The following STT3B variants were observed in gnomAD, a reference collection of about 807,000 sequenced individuals.
STT3B encodes the protein STT3 oligosaccharyltransferase complex catalytic subunit B, also known as dolichyl-diphosphooligosaccharide--protein glycosyltransferase subunit STT3B.
STT3B carries 29 observed loss-of-function variants against 96.8 expected under a neutral mutation model. That is an observed-to-expected ratio of 0.30 (90% CI 0.22 to 0.41). The LOEUF (loss-of-function observed/expected upper bound fraction) is 0.41, where lower values mean the gene tolerates loss of function less well. Among genes scored for constraint, STT3B ranks in the 10% least tolerant of loss-of-function variants. STT3B has a pLI of 1.00. For missense variants in STT3B, 640 were observed against 1,022.3 expected, an observed-to-expected ratio of 0.63 and a Z score of 5.10; for synonymous variants, 367 against 360.0, an observed-to-expected ratio of 1.02 and a Z score of -0.22.
chr3:31,595,698 TCA>T (rs1312709750), intron 3 of STT3B, among the ~76,000 whole-genome samples: 1 of 152,202 alleles, frequency 6.6e-6, no homozygotes, highest in East Asian at 1.9e-4. Flanking sequence ...TACTTGCTTT[TCA>T]GTTTACTTCC....
chr3:31,584,734 G>A (rs553953968), intron 3 of STT3B, among the ~76,000 whole-genome samples: 50 of 152,096 alleles, frequency 3.3e-4, no homozygotes, highest in African/African-American at 1.1e-3. Flanking sequence ...GGTTTACGGT[G>A]GAAATAGATT....
At chr3:31,545,849 G>A (rs1481598692) in intron 1 of STT3B, among the ~76,000 whole-genome samples, 2 of 144,068 alleles carry the variant, frequency 1.4e-5, no homozygotes, top group Non-Finnish European at 3.0e-5. Context: ...ATCAGCTATC[G>A]TTAGTGTATT....
intron 1 of STT3B, among the ~76,000 whole-genome samples, chr3:31,543,148 G>A (rs997636745): frequency 2.0e-5 from 3 of 151,246 alleles, no homozygotes; most frequent in East Asian, 1.9e-4. Flanking sequence ...TGTGTCTTAC[G>A]TGAGAGGTCT....
chr3:31,562,412 T>C (rs954857864), intron 1 of STT3B, among the ~76,000 whole-genome samples: 1 of 152,078 alleles, frequency 6.6e-6, no homozygotes, highest in South Asian at 2.1e-4. Context: ...GTGGTGGACT[T>C]AGTGAGGTGA....
At chr3:31,562,087 G>A (rs1359685124) in intron 1 of STT3B, among the ~76,000 whole-genome samples, 2 of 152,118 alleles carry the variant, frequency 1.3e-5, no homozygotes, top group Non-Finnish European at 1.5e-5. Context: ...CAGTGACAGC[G>A]TTCGTGCATC....
chr3:31,533,069 T>A lies in STT3B; in HGVS notation c.71T>A (p.Met24Lys), dbSNP rs758722499. 3 of 1,564,508 alleles carry A rather than the reference T, an allele frequency of 1.9e-6. No homozygotes were observed. The African/African-American group carries it at 4.3e-5, about 22-fold the overall frequency. Reference sequence around the variant, plus strand: ...AACTCGTCCCCGTGGAGTGGCCTCATGGCCCTGGGAAACAGCCGGCACGGC... The same window carrying A: ...AACTCGTCCCCGTGGAGTGGCCTCAAGGCCCTGGGAAACAGCCGGCACGGC... Reference protein sequence around the residue: ...SLNSSPWSGLMALGNSRHGHH... With the variant: ...SLNSSPWSGLKALGNSRHGHH... The change falls in exon 1 of 16, where the codon ATG becomes AAG. Residue 24 changes from methionine (M) to lysine (K), a missense_variant. Physicochemically the swap from Met to Lys is moderately conservative, Grantham distance 95. Around this residue, in one of 8 missense-constraint regions of STT3B, gnomAD observed 89 missense variants for 81.7 expected, o/e 1.09. Transcript: ENST00000295770.
At position 31,624,953 on chromosome 3, in the gene STT3B, T is replaced by C; in HGVS notation, c.1767T>C (p.Phe589=). 1.9e-6 allele frequency: 3 copies of C among 1,613,540 alleles called. No homozygotes were observed. The highest frequency in any genetic ancestry group is 1.3e-5 in the African/African-American group (1 of 75,026). The change falls in exon 12 of 16, where the codon TTT becomes TTC. Residue 589 remains phenylalanine (F), a synonymous_variant. Coordinates refer to ENST00000295770, the MANE Select transcript of STT3B (RefSeq NM_178862.3). The part of the protein sequence containing the change: ...NILDDFREAY[F]WLRQNTDEHA... ...TAGATGATTTTAGAGAAGCTTACTT[T>C]TGGCTAAGGCAAAATACAGATGAAC...
At position 31,636,584 on chromosome 3, in the gene STT3B, A is replaced by G. The variant is rs1699758959; in HGVS notation, c.*520A>G. 6.6e-6 allele frequency: 1 copy of G among 152,220 alleles called. No individual in the cohort carries two copies. Among genetic ancestry groups the G allele is most frequent in the African/African-American group, 2.4e-5 (1 of 41,458 alleles). 9.4% of individuals were successfully genotyped at this position (152,220 alleles called of 1,614,324 possible). ...ATTATATTTATTTTCATGTTTCTCT[A>G]ATGCAAAGAATGTTTCATCAAATGT... On this transcript the variant is annotated 3_prime_UTR_variant, in exon 16 of 16. Coordinates refer to ENST00000295770, the MANE Select transcript of STT3B (RefSeq NM_178862.3).
chr3:31,541,472 G>GTT (rs1302731899), intron 1 of STT3B, among the ~76,000 whole-genome samples: 19 of 106,912 alleles, frequency 1.8e-4, no homozygotes, highest in African/African-American at 5.8e-4. Context: ...TTCTTTTTTT[G>GTT]TTTTTTTTTT....
chr3:31,619,590 T>G, intron 8 of STT3B, 86 bp from the exon 9 acceptor site: 2 of 1,184,144 alleles, frequency 1.7e-6, no homozygotes, highest in Non-Finnish European at 1.2e-6. Context: ...AGGTACCATT[T>G]CTACAACCAA....
At chr3:31,536,248 A>C (rs1021276031) in intron 1 of STT3B, among the ~76,000 whole-genome samples, 1 of 152,226 alleles carries the variant, frequency 6.6e-6, no homozygotes, top group Non-Finnish European at 1.5e-5. Flanking sequence ...GTTTTCTTCT[A>C]TAGCTACTAA....
intron 6 of STT3B, among the ~76,000 whole-genome samples, chr3:31,615,512 G>A (rs1192244886): frequency 6.6e-6 from 1 of 151,842 alleles, no homozygotes; most frequent in African/African-American, 2.4e-5. Context: ...TCTCAGTGGA[G>A]TCTGACTTAA....
Position 31,587,369 on chromosome 3 carries a change from C to T in STT3B, c.711+7273C>T, listed in dbSNP as rs925846498. 3.3e-5 allele frequency among the ~76,000 whole-genome samples: 5 copies of T among 151,980 alleles called. No homozygotes were observed. In the East Asian group the frequency reaches 9.6e-4, roughly 29 times the overall value. ...CTCTGATTTGCCTATTCTGGAATTC[C>T]ATATAAAAGGAATTATATAATATGT... On this transcript the variant is annotated intron_variant, in intron 3 of 15. Coordinates refer to ENST00000295770, the MANE Select transcript of STT3B (RefSeq NM_178862.3).
chr3:31,568,367 A>G (rs1199002577), intron 1 of STT3B, among the ~76,000 whole-genome samples: 1 of 152,048 alleles, frequency 6.6e-6, no homozygotes, highest in African/African-American at 2.4e-5. Context: ...CTTTCTTTGG[A>G]TATGTACCAA....
At chr3:31,593,444 TTTGGTGGCTTC>T (rs1254831018) in intron 3 of STT3B, among the ~76,000 whole-genome samples, 1 of 152,140 alleles carries the variant, frequency 6.6e-6, no homozygotes, top group African/African-American at 2.4e-5. Context: ...ATTTATTGTA[TTTGGTGGCTTC>T]TTGGGTTTCA....
Position 31,532,926 on chromosome 3 carries a change from T to G in STT3B, c.-73T>G. On this transcript the variant is annotated 5_prime_UTR_variant, in exon 1 of 16. Coordinates refer to ENST00000295770, the MANE Select transcript of STT3B (RefSeq NM_178862.3). ...TTCCTCCTCCTCCTCCTCCTCCGGG[T>G]CCCCGCCCAGCACCCCTCGCACCAG... The G allele has an allele frequency of 6.7e-7, 1 of 1,488,002 alleles. No individual in the cohort carries two copies. The allele number at this position is 1,488,002 out of a possible 1,614,324, so 92.2% of individuals were successfully genotyped here.
intron 1 of STT3B, among the ~76,000 whole-genome samples, chr3:31,546,629 A>T (rs181511670): frequency 8.4e-4 from 128 of 152,340 alleles, no homozygotes; most frequent in Non-Finnish European, 1.4e-3. Context: ...GTTTAAGGTC[A>T]TCTTTGGAAA....
chr3:31,564,919 A>G (rs1241968340), intron 1 of STT3B, among the ~76,000 whole-genome samples: 4 of 152,208 alleles, frequency 2.6e-5, no homozygotes, highest in Admixed American at 2.6e-4. Flanking sequence ...CCCATAAATA[A>G]TTTATTCAAA....
chr3:31,548,030 G>A (rs1697458036), intron 1 of STT3B, among the ~76,000 whole-genome samples: 2 of 152,150 alleles, frequency 1.3e-5, no homozygotes, highest in African/African-American at 4.8e-5. Context: ...AGCATCTTGA[G>A]ACTTTTGACC....
Sources: gnomAD v4.1 joint callset for allele counts (sites outside exome capture counted in the v4.1 genomes callset) on GRCh38, gnomAD v4.1.1 for gene constraint, gnomAD v4.1.1 regional missense constraint, MANE v1.5 for transcripts, NCBI Gene and HGNC (gene_info 2026-07-23, HGNC 2026-07-21) for gene names.